Variants in PSMG1 observed in about 807,000 individuals in gnomAD.
The protein encoded by PSMG1 is proteasome assembly chaperone 1.
Under a neutral mutation model 37.2 loss-of-function variants are expected in PSMG1, and 23 were observed. That is an observed-to-expected ratio of 0.62 (90% CI 0.44 to 0.88). The LOEUF (loss-of-function observed/expected upper bound fraction) is 0.88, where lower values mean the gene tolerates loss of function less well. PSMG1 is among the 40% of genes least tolerant of loss of function. The probability of loss-of-function intolerance (pLI) is 0.00; values close to 1 mark genes in which losing one functional copy is unlikely to be tolerated. For missense variants in PSMG1, 340 were observed against 344.2 expected (o/e 0.99, Z 0.10); for synonymous variants, 127 against 128.0 (o/e 0.99, Z 0.05).
At chr21:39,177,959 C>A (rs1362117374) in intron 5 of PSMG1, among the ~76,000 whole-genome samples, 2 of 152,022 alleles carry the variant, frequency 1.3e-5, no homozygotes, top group Non-Finnish European at 2.9e-5. Context: ...CCAACCAAAC[C>A]CTATTTTAAT....
chr21:39,175,443 G>T lies in PSMG1; in HGVS notation c.*147C>A. 2.4e-6 allele frequency: 3 copies of T among 1,225,646 alleles called. No homozygotes were observed. The highest frequency in any genetic ancestry group is 3.1e-6 in the Non-Finnish European group (3 of 952,886). The allele number at this position is 1,225,646 out of a possible 1,614,324, so 75.9% of individuals were successfully genotyped here. On this transcript the variant is annotated 3_prime_UTR_variant, in exon 7 of 7. Coordinates refer to ENST00000331573, the MANE Select transcript of PSMG1 (RefSeq NM_003720.4). ...TGTGAATAATACCACCATAAATAAG[G>T]AATTAAAACTACAATTAATTTTTTA...
At chr21:39,178,025 G>A (rs1240135356) in intron 5 of PSMG1, among the ~76,000 whole-genome samples, 2 of 152,038 alleles carry the variant, frequency 1.3e-5, no homozygotes, top group African/African-American at 2.4e-5. Context: ...AAAAGTAAAT[G>A]GCAGTCTCTT....
At chr21:39,183,131 G>A in intron 1 of PSMG1, 121 bp downstream of exon 1, 1 of 1,267,812 alleles carries the variant, frequency 7.9e-7, no homozygotes, top group South Asian at 1.7e-5. Context: ...CCAAGGAGCG[G>A]CGGCAACCGC....
chr21:39,175,620 T>C lies in PSMG1; in HGVS notation c.837A>G (p.Thr279=), dbSNP rs2030599322. ...TATAAATGTTACTCTGAATCTCATT[T>C]GTTGTCATCAATTTCTTTAGTATCT... ...STEILKKLMT[T]NEIQSNIYT is the part of the protein sequence containing the mutation. The change falls in exon 7 of 7, where the codon ACA becomes ACG. Residue 279 remains threonine (T), a synonymous_variant. Transcript: ENST00000331573. The C allele has an allele frequency of 6.3e-7, 1 of 1,594,792 alleles. No homozygotes were observed. Among genetic ancestry groups the C allele is most frequent in the South Asian group, 1.1e-5 (1 of 90,654 alleles).
At chr21:39,178,878 G>T in intron 4 of PSMG1, 1 of 524,792 alleles carries the variant, frequency 1.9e-6, no homozygotes, top group East Asian at 3.3e-5. Context: ...GTGAACTAAG[G>T]TGATATAGTT....
Position 39,183,239 on chromosome 21 carries a change from C to T in PSMG1, c.134+13G>A. ...GCTGCGGTGAGCGCGCTGCCCTTATCCCGGTGCCTCACCTCTTCCGCGCCA... is the reference window on the plus strand; with the variant it reads ...GCTGCGGTGAGCGCGCTGCCCTTATTCCGGTGCCTCACCTCTTCCGCGCCA... On this transcript the variant is annotated intron_variant, in intron 1 of 6. Coordinates refer to ENST00000331573, the MANE Select transcript of PSMG1 (RefSeq NM_003720.4). 6.4e-7 allele frequency: 1 copy of T among 1,573,652 alleles called. No homozygotes were observed. Among genetic ancestry groups the T allele is most frequent in the Non-Finnish European group, 8.6e-7 (1 of 1,163,646 alleles).
chr21:39,178,414 A>G lies in PSMG1; in HGVS notation c.655+35T>C, dbSNP rs200957353. ...GAAAAGTAGTATCAATAAAGCAATA[A>G]GATAGAATGTAAATGTTACAAATTT... On this transcript the variant is annotated intron_variant, in intron 5 of 6. Transcript: ENST00000331573. 1.5e-4 allele frequency: 240 copies of G among 1,557,590 alleles called. 1 individual carries two copies. The East Asian group carries it at 4.2e-3, about 27-fold the overall frequency.
In PSMG1 at chr21:39,175,511, A is replaced by C; in HGVS notation, c.*79T>G. ...ATCATTCTCAAAATATATCCCCCAA[A>C]AGTAATCTACAAAAGAGTGCAGGCT... On this transcript the variant is annotated 3_prime_UTR_variant, in exon 7 of 7. Transcript: ENST00000331573. The C allele has an allele frequency of 6.9e-7, 1 of 1,442,986 alleles. No individual in the cohort carries two copies. Among genetic ancestry groups the C allele is most frequent in the Non-Finnish European group, 9.2e-7 (1 of 1,092,704 alleles). The allele number at this position is 1,442,986 out of a possible 1,614,324, so 89.4% of individuals were successfully genotyped here.
chr21:39,182,433 T>C (rs75091728), intron 1 of PSMG1, among the ~76,000 whole-genome samples: 1 of 152,226 alleles, frequency 6.6e-6, no homozygotes, highest in African/African-American at 2.4e-5. Flanking sequence ...AGGATTCTCA[T>C]TCACGCAGAC....
intron 6 of PSMG1, among the ~76,000 whole-genome samples, chr21:39,176,025 C>T (rs1158678415): frequency 6.6e-6 from 1 of 152,162 alleles, no homozygotes; most frequent in Non-Finnish European, 1.5e-5. Context: ...CTTCCCTCTG[C>T]ACACTTCTAC....
chr21:39,179,212 C>T (rs67212994), intron 4 of PSMG1, among the ~76,000 whole-genome samples: 11,619 of 152,190 alleles, frequency 0.076, 827 homozygotes, highest in East Asian at 0.43. Flanking sequence ...GCCTGCAGAA[C>T]TGTCAATCAC....
Position 39,183,441 on chromosome 21 carries a change from T to A in PSMG1, c.-56A>T. ...CAGCGCCGCGGGACCGCACGCCGGC[T>A]TGCGCGAGACCACGCTCCCTCACCG... On this transcript the variant is annotated 5_prime_UTR_variant, in exon 1 of 7. In the 5' UTR this introduces an upstream ATG that the reference lacks. Transcript: ENST00000331573. The A allele has an allele frequency of 6.6e-7, 1 of 1,515,766 alleles. No homozygotes were observed. The highest frequency in any genetic ancestry group is 2.6e-5 in the East Asian group (1 of 38,258). 93.9% of individuals were successfully genotyped at this position (1,515,766 alleles called of 1,614,324 possible). A position where few individuals can be genotyped will look rare whatever the true frequency, so the allele number is the denominator to read the frequency against.
rs1416525041 is a variant in PSMG1, at chr21:39,180,440, T to TA, written c.242-5dup. 3.2e-6 allele frequency: 5 copies of TA among 1,575,754 alleles called. No individual in the cohort carries two copies. Among genetic ancestry groups the TA allele is most frequent in the East Asian group, 2.3e-5 (1 of 44,316 alleles). On this transcript the variant is annotated splice_region_variant and splice_polypyrimidine_tract_variant and intron_variant, in intron 2 of 6. Transcript: ENST00000331573. ...ATAACAAATGATGACAGAAATGCTG[T>TA]AAAAAACAATTCACATAAGTTAGTG... is the stretch of plus-strand genomic sequence containing the variant.
In PSMG1 at chr21:39,175,643, T is replaced by A; in HGVS notation, c.814A>T (p.Ile272Leu). 2 of 1,588,064 alleles carry A rather than the reference T, an allele frequency of 1.3e-6. No individual in the cohort carries two copies. The highest frequency in any genetic ancestry group is 2.2e-5 in the South Asian group (2 of 90,504). Residue 272 changes from isoleucine to leucine, a missense_variant, in exon 7 of 7, where the codon ATA becomes TTA. Ile to Leu is a conservative substitution (Grantham distance 5, BLOSUM62 2). Coordinates refer to ENST00000331573, the MANE Select transcript of PSMG1 (RefSeq NM_003720.4). ...TTTGTTGTCATCAATTTCTTTAGTA[T>A]CTCAGTGCTTTGGGGAATATTCTGA... The part of the protein sequence containing the change: ...LVKNIPQSTE[I>L]LKKLMTTNEI...
At chr21:39,177,715 C>T (rs2030679826) in intron 5 of PSMG1, 144 bp from the exon 6 acceptor site, 1 of 525,208 alleles carries the variant, frequency 1.9e-6, no homozygotes, top group Non-Finnish European at 3.0e-6. Flanking sequence ...CAATTTTGAA[C>T]CAATTATAAT....
In PSMG1 at chr21:39,175,462, T is replaced by A; in HGVS notation, c.*128A>T. Reference sequence around the variant, plus strand: ...AATAAGGAATTAAAACTACAATTAATTTTTTACAATTTTATTCCGTTTCAT... The same window carrying A: ...AATAAGGAATTAAAACTACAATTAAATTTTTACAATTTTATTCCGTTTCAT... On this transcript the variant is annotated 3_prime_UTR_variant, in exon 7 of 7. Transcript: ENST00000331573. The A allele has an allele frequency of 1.5e-6, 2 of 1,316,600 alleles. No homozygotes were observed. Among genetic ancestry groups the A allele is most frequent in the Non-Finnish European group, 2.0e-6 (2 of 1,020,040 alleles). The allele number at this position is 1,316,600 out of a possible 1,614,324, so 81.6% of individuals were successfully genotyped here. A position where few individuals can be genotyped will look rare whatever the true frequency, so the allele number is the denominator to read the frequency against.
intron 5 of PSMG1, 55 bp downstream of exon 5, chr21:39,178,394 G>A (rs2030700096): frequency 3.3e-6 from 5 of 1,498,040 alleles, no homozygotes; most frequent in Admixed American, 1.7e-5. Context: ...ATGGTGAAAA[G>A]TAGTATCAAT....
At position 39,177,600 on chromosome 21, in the gene PSMG1, G is replaced by GT. The variant is rs762148000; in HGVS notation, c.656-30dup. ...TGAATACACAAGAAAAAAAAACGATGTAAGTTTTCTATTATGTTACTTTTA... is the reference window on the plus strand; with the variant it reads ...TGAATACACAAGAAAAAAAAACGATGTTAAGTTTTCTATTATGTTACTTTTA... On this transcript the variant is annotated intron_variant, in intron 5 of 6. Coordinates refer to ENST00000331573, the MANE Select transcript of PSMG1 (RefSeq NM_003720.4). The GT allele has an allele frequency of 4.1e-6, 6 of 1,469,822 alleles. No individual in the cohort carries two copies. In the South Asian group the frequency reaches 5.8e-5, roughly 14 times the overall value. The allele number at this position is 1,469,822 out of a possible 1,614,324, so 91.0% of individuals were successfully genotyped here. A position where few individuals can be genotyped will look rare whatever the true frequency, so the allele number is the denominator to read the frequency against.
chr21:39,180,028 T>C (rs1459527558), intron 3 of PSMG1, 42 bp from the exon 4 acceptor site: 5 of 1,577,724 alleles, frequency 3.2e-6, no homozygotes, highest in South Asian at 1.1e-5. Flanking sequence ...GTAAGTTTTA[T>C]ACACACCACA....
Sources: gnomAD v4.1 joint callset for allele counts (sites outside exome capture counted in the v4.1 genomes callset) on GRCh38, gnomAD v4.1.1 for gene constraint, MANE v1.5 for transcripts, NCBI Gene and HGNC (gene_info 2026-07-23, HGNC 2026-07-21) for gene names.